The following SNTG1 variants were observed in gnomAD, a reference collection of about 807,000 sequenced individuals.
SNTG1 encodes syntrophin gamma 1.
Under a neutral mutation model 74.7 loss-of-function variants are expected in SNTG1, and 39 were observed. The ratio of observed to expected loss-of-function variants is 0.52; its 90% CI spans 0.40 to 0.68. The LOEUF is 0.68. Among genes scored for constraint, SNTG1 ranks in the 30% least tolerant of loss-of-function variants. The probability of loss-of-function intolerance (pLI) is 0.00; values close to 1 mark genes in which losing one functional copy is unlikely to be tolerated. For synonymous variants in SNTG1, 254 were observed against 217.1 expected, an observed-to-expected ratio of 1.17 and a Z score of -1.49; for missense variants, 685 against 609.5, an observed-to-expected ratio of 1.12 and a Z score of -1.30.
chr8:50,526,624 T>C (rs1163110897), intron 9 of SNTG1, among the ~76,000 whole-genome samples: 1 of 141,740 alleles, frequency 7.1e-6, no homozygotes, highest in South Asian at 2.3e-4. Flanking sequence ...TGTGTGTGTA[T>C]ACACAAACAC....
At chr8:49,926,480 A>T (rs1388796589) in intron 1 of SNTG1, among the ~76,000 whole-genome samples, 5 of 152,152 alleles carry the variant, frequency 3.3e-5, no homozygotes, top group Non-Finnish European at 7.4e-5. Flanking sequence ...AACATAAATT[A>T]ATTAAAAATA....
intron 11 of SNTG1, among the ~76,000 whole-genome samples, chr8:50,552,778 A>G (rs373501232): frequency 4.0e-4 from 61 of 152,300 alleles, no homozygotes; most frequent in East Asian, 3.7e-3. Flanking sequence ...ATTCTCTTTT[A>G]TCTACATGTT....
At chr8:50,721,956 CT>C (rs1337270456) in intron 17 of SNTG1, among the ~76,000 whole-genome samples, 6 of 152,010 alleles carry the variant, frequency 3.9e-5, no homozygotes, top group Non-Finnish European at 7.4e-5. Context: ...ATAATCTGTG[CT>C]TGTGTTCAGC....
chr8:50,792,889 C>A lies in SNTG1; in HGVS notation c.*60C>A, dbSNP rs983672223. On this transcript the variant is annotated 3_prime_UTR_variant, in exon 19 of 19. Transcript: ENST00000642720. ...GTATAAGCAGGACACATTTACTCAT[C>A]ATTTTAGACCCTAGAGAAACCATAA... The A allele has an allele frequency of 1.4e-6, 2 of 1,480,208 alleles. No individual in the cohort carries two copies. Among genetic ancestry groups the A allele is most frequent in the South Asian group, 1.4e-5 (1 of 69,396 alleles). The allele number at this position is 1,480,208 out of a possible 1,614,324, so 91.7% of individuals were successfully genotyped here.
chr8:50,130,123 G>C (rs1365765088), intron 1 of SNTG1, among the ~76,000 whole-genome samples: 1 of 152,164 alleles, frequency 6.6e-6, no homozygotes, highest in Non-Finnish European at 1.5e-5. Context: ...ACTCTGAGGA[G>C]AATTATTAGA....
intron 8 of SNTG1, among the ~76,000 whole-genome samples, chr8:50,451,155 T>C (rs2093453329): frequency 6.6e-6 from 1 of 152,086 alleles, no homozygotes; most frequent in African/African-American, 2.4e-5. Flanking sequence ...CAACCATCTG[T>C]AGAAAATATG....
At chr8:50,758,385 T>C (rs775286478) in intron 18 of SNTG1, among the ~76,000 whole-genome samples, 2 of 152,006 alleles carry the variant, frequency 1.3e-5, no homozygotes, top group African/African-American at 2.4e-5. Flanking sequence ...GTTTGTTATA[T>C]AGGTATACAC....
intron 4 of SNTG1, among the ~76,000 whole-genome samples, chr8:50,421,278 GAGA>G (rs1424806493): frequency 2.4e-4 from 37 of 152,256 alleles, no homozygotes. Flanking sequence ...TTCATAGGCA[GAGA>G]AGCGTTCGGG....
intron 1 of SNTG1, among the ~76,000 whole-genome samples, chr8:49,980,627 C>T (rs1005685106): frequency 6.7e-6 from 1 of 149,170 alleles, no homozygotes; most frequent in South Asian, 2.1e-4. Flanking sequence ...CTCGCAAGAA[C>T]AGTGTGTTCC....
At chr8:50,386,153 T>C (rs145251120) in intron 2 of SNTG1, among the ~76,000 whole-genome samples, 7 of 152,108 alleles carry the variant, frequency 4.6e-5, no homozygotes, top group African/African-American at 1.4e-4. Flanking sequence ...ACTGAGCAAG[T>C]CAATTCTAAT....
At chr8:49,941,445 A>G (rs904631989) in intron 1 of SNTG1, among the ~76,000 whole-genome samples, 22 of 148,120 alleles carry the variant, frequency 1.5e-4, no homozygotes, top group Middle Eastern at 7.1e-3. Context: ...AAATGTTTAT[A>G]TATTATATAT....
At chr8:50,150,822 A>C (rs2082042179) in intron 1 of SNTG1, among the ~76,000 whole-genome samples, 1 of 152,190 alleles carries the variant, frequency 6.6e-6, no homozygotes, top group South Asian at 2.1e-4. Context: ...TCAGTATTTT[A>C]TTGAGGATTT....
intron 15 of SNTG1, among the ~76,000 whole-genome samples, chr8:50,669,561 C>G (rs970210131): frequency 6.6e-6 from 1 of 152,058 alleles, no homozygotes; most frequent in Admixed American, 6.6e-5. Context: ...AGCTTACCAA[C>G]GAAAAAGAGT....
chr8:50,443,107 A>G (rs540252421), intron 5 of SNTG1, among the ~76,000 whole-genome samples: 1 of 152,314 alleles, frequency 6.6e-6, no homozygotes, highest in Admixed American at 6.5e-5. Context: ...CGTAGGATCC[A>G]ATATTATTGT....
chr8:50,617,291 C>T (rs1363692220), intron 13 of SNTG1, among the ~76,000 whole-genome samples: 1 of 151,442 alleles, frequency 6.6e-6, no homozygotes, highest in Non-Finnish European at 1.5e-5. Flanking sequence ...TTTTTTCAAT[C>T]CTCAGTTAAT....
intron 11 of SNTG1, among the ~76,000 whole-genome samples, chr8:50,549,197 A>G (rs1279038490): frequency 6.6e-6 from 1 of 152,172 alleles, no homozygotes; most frequent in Non-Finnish European, 1.5e-5. Flanking sequence ...TAAACAGCTT[A>G]GGTTTTGTGC....
At position 50,054,469 on chromosome 8, in the gene SNTG1, G is replaced by A. The variant is rs567542811; in HGVS notation, c.-102-118092G>A. The stretch of plus-strand genomic sequence containing the variant: ...TCTGTTACTGCTATCCTTGGCCAAG[G>A]TATCATCTTTTCATACTTATATTAC... On this transcript the variant is annotated intron_variant, in intron 1 of 18. Transcript: ENST00000642720. Among the ~76,000 whole-genome samples the A allele has an allele frequency of 7.2e-5, 11 of 151,978 alleles. 1 individual carries two copies. Among genetic ancestry groups the A allele is most frequent in the African/African-American group, 2.4e-4 (10 of 41,480 alleles).
intron 12 of SNTG1, among the ~76,000 whole-genome samples, chr8:50,567,125 A>G (rs897905325): frequency 2.6e-5 from 4 of 152,070 alleles, no homozygotes; most frequent in South Asian, 4.1e-4. Context: ...ATGAAACTGG[A>G]CAAAATTAGT....
At chr8:49,968,590 A>G (rs779967770) in intron 1 of SNTG1, among the ~76,000 whole-genome samples, 2 of 152,188 alleles carry the variant, frequency 1.3e-5, no homozygotes, top group Non-Finnish European at 2.9e-5. Context: ...CATGCAAAAG[A>G]CATCTCCTTA....
Sources: gnomAD v4.1 joint callset for allele counts (sites outside exome capture counted in the v4.1 genomes callset) on GRCh38, gnomAD v4.1.1 for gene constraint, MANE v1.5 for transcripts, NCBI Gene and HGNC (gene_info 2026-07-23, HGNC 2026-07-21) for gene names.